The following IRF2 variants were observed in gnomAD, a reference collection of about 807,000 sequenced individuals.
IRF2 encodes the protein interferon regulatory factor 2.
Under a neutral mutation model 40.6 loss-of-function variants are expected in IRF2, and 15 were observed. The ratio of observed to expected loss-of-function variants is 0.37; its 90% CI spans 0.25 to 0.57. The LOEUF (loss-of-function observed/expected upper bound fraction) is 0.57, where lower values mean the gene tolerates loss of function less well. Among genes scored for constraint, IRF2 ranks in the 20% least tolerant of loss-of-function variants. The pLI is 0.77. For missense variants in IRF2, 317 were observed against 455.7 expected (o/e 0.70, Z 2.77); for synonymous variants, 151 against 165.5 (o/e 0.91, Z 0.67).
chr4:184,423,829 A>C (rs1737568303), intron 2 of IRF2, among the ~76,000 whole-genome samples: 1 of 152,210 alleles, frequency 6.6e-6, no homozygotes, highest in Non-Finnish European at 1.5e-5. Context: ...AGAGTCATAA[A>C]CACCAAACAC....
intron 1 of IRF2, among the ~76,000 whole-genome samples, chr4:184,461,074 C>A (rs1260122667): frequency 6.6e-6 from 1 of 152,138 alleles, no homozygotes; most frequent in Non-Finnish European, 1.5e-5. Context: ...CACTTTACCG[C>A]GGGGGGCAGG....
At chr4:184,420,473 T>A (rs1737444110) in intron 2 of IRF2, among the ~76,000 whole-genome samples, 1 of 152,112 alleles carries the variant, frequency 6.6e-6, no homozygotes, top group African/African-American at 2.4e-5. Context: ...AACAAAGAGG[T>A]AGAGGTTATG....
chr4:184,391,585 A>C (rs1469954644), intron 7 of IRF2, among the ~76,000 whole-genome samples: 2 of 152,170 alleles, frequency 1.3e-5, no homozygotes, highest in Non-Finnish European at 2.9e-5. Context: ...AAACCACATG[A>C]GCTTGGAAAT....
chr4:184,408,215 A>T lies in IRF2; in HGVS notation c.472T>A (p.Tyr158Asn), dbSNP rs1376425543. The T allele has an allele frequency of 4.3e-6, 7 of 1,613,540 alleles. No individual in the cohort carries two copies. Among genetic ancestry groups the T allele is most frequent in the Non-Finnish European group, 5.9e-6 (7 of 1,179,406 alleles). Residue 158 changes from tyrosine to asparagine, a missense_variant, in exon 6 of 9, where the codon TAT becomes AAT. Physicochemically the swap from Tyr to Asn is moderately radical, Grantham distance 143 (BLOSUM62 -2). Around this residue, in one of 2 missense-constraint regions of IRF2, gnomAD observed 262 missense variants for 334.0 expected, o/e 0.78. Transcript: ENST00000393593. This position sits in a 1 kb window ranked among gnomAD's most constrained non-coding sequence, Gnocchi z 4.9. Reference protein sequence around the residue: ...SNGVSDLSPEYAVLTSTIKNE... With the variant: ...SNGVSDLSPENAVLTSTIKNE... ...TTTATAGTTGAAGTCAGGACCGCAT[A>T]CTCAGGAGAAAGATCACTTACTCCA... is the stretch of plus-strand genomic sequence containing the variant.
At chr4:184,416,651 C>T (rs925637955) in intron 5 of IRF2, among the ~76,000 whole-genome samples, 2 of 152,072 alleles carry the variant, frequency 1.3e-5, no homozygotes, top group African/African-American at 4.8e-5. Flanking sequence ...GAGCACTTAT[C>T]TTTTAAATAT....
chr4:184,465,347 T>A (rs1010593777), intron 1 of IRF2, among the ~76,000 whole-genome samples: 1 of 152,188 alleles, frequency 6.6e-6, no homozygotes, highest in Admixed American at 6.5e-5. Flanking sequence ...CCCAGTGTGT[T>A]TTTCCTAACC....
intron 1 of IRF2, chr4:184,473,989 C>T (rs1227621838): frequency 6.5e-6 from 1 of 152,672 alleles, no homozygotes; most frequent in Non-Finnish European, 1.5e-5. Context: ...ACACACAACA[C>T]CTGGGGCGCA....
At chr4:184,405,811 G>T (rs1224803209) in intron 6 of IRF2, among the ~76,000 whole-genome samples, 1 of 152,046 alleles carries the variant, frequency 6.6e-6, no homozygotes, top group Non-Finnish European at 1.5e-5. Flanking sequence ...ATAATATATA[G>T]CCTCACACAA....
chr4:184,421,181 A>G (rs911991419), intron 2 of IRF2, among the ~76,000 whole-genome samples: 8 of 152,210 alleles, frequency 5.3e-5, no homozygotes, highest in East Asian at 1.9e-4. Context: ...GCTGTCCCCA[A>G]AGAGATTCAG....
chr4:184,429,953 A>G (rs563703959), intron 1 of IRF2, among the ~76,000 whole-genome samples: 7 of 152,246 alleles, frequency 4.6e-5, no homozygotes, highest in African/African-American at 1.7e-4. Flanking sequence ...CACCCTATCT[A>G]TGCCTGCATT....
chr4:184,430,219 G>T (rs1175708609), intron 1 of IRF2, among the ~76,000 whole-genome samples: 8 of 152,124 alleles, frequency 5.3e-5, no homozygotes. Flanking sequence ...ACATGCCAGA[G>T]TTACAAGCAT....
rs116565943 is a variant in IRF2 at position 184,409,167 on chromosome 4, C to T, written c.412-892G>A. 6.3e-3 allele frequency among the ~76,000 whole-genome samples: 963 copies of T among 152,172 alleles called. 12 individuals are homozygous for T. The highest frequency in any genetic ancestry group is 0.022 in the African/African-American group (912 of 41,492). On this transcript the variant is annotated intron_variant, in intron 5 of 8. Coordinates refer to ENST00000393593, the MANE Select transcript of IRF2 (RefSeq NM_002199.4). ...AGGACAACACCCAAGGAATCCAAAG[C>T]GGAAGAGGGTAGAGAGCAGAAGGAA...
rs1736111072 is a variant in IRF2, at chr4:184,387,814, A to G, written c.*944T>C. 2 of 129,188 alleles carry G rather than the reference A, an allele frequency of 1.5e-5. No homozygotes were observed. Among genetic ancestry groups the G allele is most frequent in the African/African-American group, 5.7e-5 (2 of 34,800 alleles). The allele number at this position is 129,188 out of a possible 1,614,324, so 8.0% of individuals were successfully genotyped here. On this transcript the variant is annotated 3_prime_UTR_variant, in exon 9 of 9. Coordinates refer to ENST00000393593, the MANE Select transcript of IRF2 (RefSeq NM_002199.4). Reference sequence around the variant, plus strand: ...GCTCATAAAAGCTTTTTTCACCTTTACAAAATTAAAAAAAAAAATGTGCCA... The same window carrying G: ...GCTCATAAAAGCTTTTTTCACCTTTGCAAAATTAAAAAAAAAAATGTGCCA...
chr4:184,429,178 C>A, intron 1 of IRF2, 108 bp from the exon 2 acceptor site: 1 of 517,632 alleles, frequency 1.9e-6, no homozygotes, highest in Admixed American at 2.4e-5. Context: ...TTTCCTGGGG[C>A]TGGGGACCAG....
intron 2 of IRF2, among the ~76,000 whole-genome samples, chr4:184,425,187 G>T (rs1393658642): frequency 5.3e-5 from 8 of 152,230 alleles, no homozygotes; most frequent in Admixed American, 1.3e-4. Flanking sequence ...TGGCAAAAGA[G>T]ATCTTGGAAT....
At chr4:184,450,695 A>G (rs1187072618) in intron 1 of IRF2, among the ~76,000 whole-genome samples, 1 of 152,208 alleles carries the variant, frequency 6.6e-6, no homozygotes, top group African/African-American at 2.4e-5. Context: ...TAGATTCAAA[A>G]TTTCTTTAAA....
chr4:184,405,244 A>AAAAAC (rs552519766), intron 6 of IRF2, among the ~76,000 whole-genome samples: 11 of 152,308 alleles, frequency 7.2e-5, no homozygotes, highest in South Asian at 6.2e-4. Context: ...ACTCGGTCTC[A>AAAAAC]AAAACAAAAC....
At chr4:184,472,034 G>A (rs1294539914) in intron 1 of IRF2, 1 of 152,168 alleles carries the variant, frequency 6.6e-6, no homozygotes, top group Non-Finnish European at 1.5e-5. Context: ...AACAGACAAA[G>A]TTACAAGTTA....
chr4:184,429,245 G>A (rs939837279), intron 1 of IRF2, among the ~76,000 whole-genome samples, 175 bp from the exon 2 acceptor site: 4 of 152,190 alleles, frequency 2.6e-5, no homozygotes, highest in Admixed American at 6.5e-5. Flanking sequence ...CCCAGCCCTC[G>A]CACCGGCCAG....
Sources: gnomAD v4.1 joint callset for allele counts (sites outside exome capture counted in the v4.1 genomes callset) on GRCh38, gnomAD v4.1.1 for gene constraint, gnomAD v4.1.1 regional missense constraint, Gnocchi (gnomAD v3.1) non-coding constraint, MANE v1.5 for transcripts, NCBI Gene and HGNC (gene_info 2026-07-23, HGNC 2026-07-21) for gene names.